The following TSPAN18 variants were observed in gnomAD, a reference collection of about 807,000 sequenced individuals.
TSPAN18 encodes tetraspanin-18.
A neutral mutation model predicts 27.3 loss-of-function variants in TSPAN18; 14 were observed. That is an observed-to-expected ratio of 0.51 (90% CI 0.34 to 0.80). TSPAN18 has a LOEUF of 0.80. Ranked by LOEUF, TSPAN18 falls within the 30% of genes least tolerant of loss-of-function variation. TSPAN18 has a pLI of 0.01. For missense variants in TSPAN18, 268 were observed against 323.9 expected, an observed-to-expected ratio of 0.83 and a Z score of 1.32; for synonymous variants, 143 against 136.5, an observed-to-expected ratio of 1.05 and a Z score of -0.33.
chr11:44,802,095 G>C (rs907032360), intron 2 of TSPAN18, among the ~76,000 whole-genome samples: 1 of 152,088 alleles, frequency 6.6e-6, no homozygotes, highest in African/African-American at 2.4e-5. Flanking sequence ...TTCCCTGCTA[G>C]GTCTTAGACC....
intron 2 of TSPAN18, among the ~76,000 whole-genome samples, chr11:44,859,123 C>A (rs1339875837): frequency 6.6e-6 from 1 of 152,078 alleles, no homozygotes; most frequent in East Asian, 1.9e-4. Context: ...AGGTTCCCAG[C>A]CTAGAAAGAG....
chr11:44,823,425 G>C (rs1404784290), intron 2 of TSPAN18, among the ~76,000 whole-genome samples: 1 of 152,228 alleles, frequency 6.6e-6, no homozygotes, highest in African/African-American at 2.4e-5. Context: ...CTCCTAGTGT[G>C]GCTGGGTCCA....
chr11:44,756,855 G>A (rs2134872645), intron 1 of TSPAN18, among the ~76,000 whole-genome samples: 1 of 152,290 alleles, frequency 6.6e-6, no homozygotes, highest in East Asian at 1.9e-4. Flanking sequence ...TAGCTGTTGT[G>A]AATAATCCTA....
intron 6 of TSPAN18, among the ~76,000 whole-genome samples, chr11:44,918,338 G>A (rs1483622094): frequency 6.6e-6 from 1 of 152,168 alleles, no homozygotes; most frequent in Non-Finnish European, 1.5e-5. Context: ...ACGGCCCAGT[G>A]ATAGTGAGAC....
At chr11:44,835,686 T>C (rs1857250586) in intron 2 of TSPAN18, among the ~76,000 whole-genome samples, 1 of 152,208 alleles carries the variant, frequency 6.6e-6, no homozygotes, top group East Asian at 1.9e-4. Flanking sequence ...CCTGGTTTTA[T>C]TGCACTTCAG....
intron 1 of TSPAN18, among the ~76,000 whole-genome samples, chr11:44,735,012 C>A (rs1244159091): frequency 1.3e-5 from 2 of 152,210 alleles, no homozygotes; most frequent in Non-Finnish European, 2.9e-5. Flanking sequence ...GCTGGGCAGG[C>A]TGGACACGGG....
At chr11:44,846,194 G>T (rs565206006) in intron 2 of TSPAN18, among the ~76,000 whole-genome samples, 2 of 152,324 alleles carry the variant, frequency 1.3e-5, no homozygotes, top group African/African-American at 4.8e-5. Flanking sequence ...GGGGTAAAAT[G>T]ACTTGTCCAG....
Position 44,910,174 on chromosome 11 carries a change from C to T in TSPAN18, c.258+275C>T, listed in dbSNP as rs1859656045. Among the ~76,000 whole-genome samples the T allele has an allele frequency of 3.3e-5, 5 of 152,246 alleles. No homozygotes were observed. In the South Asian group the frequency reaches 1.0e-3, roughly 31 times the overall value. On this transcript the variant is annotated intron_variant, in intron 5 of 9. Coordinates refer to ENST00000520358, the MANE Select transcript of TSPAN18 (RefSeq NM_130783.5). ...TACAGACGCTAGGTCAGGGCCCCTG[C>T]AGTGCCTCAGGCTGCCTCTTCCCAT...
At chr11:44,918,958 G>T (rs989027804) in intron 6 of TSPAN18, among the ~76,000 whole-genome samples, 1 of 151,998 alleles carries the variant, frequency 6.6e-6, no homozygotes, top group African/African-American at 2.4e-5. Flanking sequence ...AGAGCTGCAG[G>T]TGGAGTGAGG....
chr11:44,813,978 G>A (rs1856772077), intron 2 of TSPAN18, among the ~76,000 whole-genome samples: 1 of 152,136 alleles, frequency 6.6e-6, no homozygotes, highest in Non-Finnish European at 1.5e-5. Context: ...GATCCTTCAG[G>A]GATCGTTGAA....
intron 1 of TSPAN18, among the ~76,000 whole-genome samples, chr11:44,761,229 A>C (rs1047015571): frequency 2.0e-5 from 3 of 152,214 alleles, no homozygotes; most frequent in Non-Finnish European, 4.4e-5. Context: ...GCCCAAGACT[A>C]ATCGGGTCAA....
At chr11:44,735,895 G>A (rs1854781161) in intron 1 of TSPAN18, among the ~76,000 whole-genome samples, 1 of 152,104 alleles carries the variant, frequency 6.6e-6, no homozygotes, top group Non-Finnish European at 1.5e-5. Context: ...GGGATTACAG[G>A]CGTGAGCCAC....
At chr11:44,914,766 C>T (rs1859844006) in intron 5 of TSPAN18, among the ~76,000 whole-genome samples, 1 of 152,196 alleles carries the variant, frequency 6.6e-6, no homozygotes, top group Non-Finnish European at 1.5e-5. Context: ...GCATCTGTCT[C>T]ACTAGATGAG....
At chr11:44,766,564 A>ACGCC (rs1855571684) in intron 2 of TSPAN18, among the ~76,000 whole-genome samples, 1 of 152,170 alleles carries the variant, frequency 6.6e-6, no homozygotes, top group Non-Finnish European at 1.5e-5. Flanking sequence ...CGTGGGCCTC[A>ACGCC]AGCCTCGGTG....
intron 1 of TSPAN18, among the ~76,000 whole-genome samples, chr11:44,733,522 A>G (rs1487793085): frequency 6.6e-6 from 1 of 152,160 alleles, no homozygotes; most frequent in African/African-American, 2.4e-5. Flanking sequence ...TTTTTCCAGC[A>G]TGTCTCCCAG....
Position 44,811,125 on chromosome 11 carries a change from A to AACACACACACAC in TSPAN18, c.-153+46652_-153+46663dup, listed in dbSNP as rs61153202. On this transcript the variant is annotated intron_variant, in intron 2 of 9. Transcript: ENST00000520358. ...ATCCCTAGTCAATAACTGGAGTTTT[A>AACACACACACAC]ACACACACACACACACACACACACA... is the stretch of plus-strand genomic sequence containing the variant. 2.7e-3 allele frequency among the ~76,000 whole-genome samples: 391 copies of AACACACACACAC among 142,556 alleles called. 1 individual carries two copies. Among genetic ancestry groups the AACACACACACAC allele is most frequent in the African/African-American group, 5.7e-3 (212 of 36,906 alleles). 93.5% of individuals were successfully genotyped at this position (142,556 alleles called of 152,430 possible).
intron 9 of TSPAN18, 43 bp downstream of exon 9, chr11:44,926,800 C>T (rs773830246): frequency 3.8e-6 from 6 of 1,593,036 alleles, no homozygotes; most frequent in Non-Finnish European, 5.2e-6. Context: ...AGGATGAAGC[C>T]TCACGTGGAG....
chr11:44,742,204 T>C (rs563640693), intron 1 of TSPAN18, among the ~76,000 whole-genome samples: 1 of 151,538 alleles, frequency 6.6e-6, no homozygotes, highest in East Asian at 2.0e-4. Context: ...GTATGTGGAA[T>C]GCAGAAAGGG....
chr11:44,893,357 C>G (rs774148550), intron 3 of TSPAN18, among the ~76,000 whole-genome samples: 2 of 152,216 alleles, frequency 1.3e-5, no homozygotes, highest in African/African-American at 2.4e-5. Context: ...CTTAAGGCAC[C>G]CGCCCCTCAG....
Sources: allele counts gnomAD v4.1 joint callset (sites outside exome capture counted in the v4.1 genomes callset), GRCh38; gene constraint gnomAD v4.1.1; transcripts MANE v1.5; gene names NCBI Gene and HGNC (gene_info 2026-07-23, HGNC 2026-07-21).